The following RBMS1 variants were observed in gnomAD, a reference collection of about 807,000 sequenced individuals.
RBMS1 encodes the protein RNA binding motif single stranded interacting protein 1, also known as RNA-binding motif, single-stranded-interacting protein 1.
A neutral mutation model predicts 62.3 loss-of-function variants in RBMS1; 17 were observed. The observed-to-expected ratio is 0.27, with a 90% confidence interval of 0.19 to 0.41. The LOEUF is 0.41. Among genes scored for constraint, RBMS1 ranks in the 10% least tolerant of loss-of-function variants. The pLI is 1.00. For missense variants in RBMS1, 334 were observed against 504.5 expected (o/e 0.66, Z 3.24); for synonymous variants, 172 against 170.0 (o/e 1.01, Z -0.09).
At chr2:160,379,056 C>A (rs953904973) in intron 1 of RBMS1, among the ~76,000 whole-genome samples, 7 of 151,986 alleles carry the variant, frequency 4.6e-5, no homozygotes, top group Non-Finnish European at 7.4e-5. Context: ...CCTATCTCTA[C>A]AAAAACACAA....
intron 2 of RBMS1, among the ~76,000 whole-genome samples, chr2:160,349,689 C>A (rs549329901): frequency 6.6e-6 from 1 of 152,028 alleles, no homozygotes; most frequent in Non-Finnish European, 1.5e-5. Flanking sequence ...CATACCCAGC[C>A]TTCCTTTGTG....
intron 5 of RBMS1, among the ~76,000 whole-genome samples, chr2:160,301,013 T>C (rs768375482): frequency 1.3e-5 from 2 of 152,230 alleles, no homozygotes; most frequent in Non-Finnish European, 2.9e-5. Context: ...ATTGTAATTG[T>C]TGTAAAATTG....
chr2:160,407,567 C>T (rs1242980011), intron 1 of RBMS1: 8 of 983,822 alleles, frequency 8.1e-6, no homozygotes, highest in Non-Finnish European at 8.4e-6. Context: ...CGGGCGCGGG[C>T]GCGGGCGCGG....
intron 1 of RBMS1, among the ~76,000 whole-genome samples, chr2:160,459,462 C>A (rs1478074325): frequency 6.6e-6 from 1 of 152,050 alleles, no homozygotes; most frequent in Non-Finnish European, 1.5e-5. Flanking sequence ...TAATTCTTAA[C>A]AGCATATTTC....
chr2:160,390,203 C>T (rs777324447), intron 1 of RBMS1, among the ~76,000 whole-genome samples: 1 of 152,110 alleles, frequency 6.6e-6, no homozygotes, highest in Non-Finnish European at 1.5e-5. Flanking sequence ...AAACCCATCA[C>T]ATCAGAATTG....
At chr2:160,318,026 C>T in intron 3 of RBMS1, 143 bp downstream of exon 3, 1 of 1,237,780 alleles carries the variant, frequency 8.1e-7, no homozygotes, top group Non-Finnish European at 1.1e-6. Context: ...AATATGCTGA[C>T]ACTGTGCAAG....
At chr2:160,418,684 A>G (rs983640364) in intron 1 of RBMS1, among the ~76,000 whole-genome samples, 2 of 152,186 alleles carry the variant, frequency 1.3e-5, no homozygotes, top group Non-Finnish European at 2.9e-5. Flanking sequence ...AACCAACATG[A>G]AAAACTGAAA....
intron 2 of RBMS1, among the ~76,000 whole-genome samples, chr2:160,325,664 C>T (rs1363324899): frequency 6.6e-6 from 1 of 152,128 alleles, no homozygotes; most frequent in African/African-American, 2.4e-5. Flanking sequence ...ACAAAGTATA[C>T]ATTACGTCTG....
intron 1 of RBMS1, among the ~76,000 whole-genome samples, chr2:160,386,964 T>C (rs1270275603): frequency 1.3e-5 from 2 of 152,230 alleles, no homozygotes; most frequent in East Asian, 1.9e-4. Flanking sequence ...TGCCGCTTTC[T>C]GGAAGCTACT....
intron 1 of RBMS1, among the ~76,000 whole-genome samples, chr2:160,424,483 G>A (rs1312942403): frequency 6.6e-6 from 1 of 152,042 alleles, no homozygotes; most frequent in Non-Finnish European, 1.5e-5. Flanking sequence ...TTTCTCTCAT[G>A]AGTGAAAATA....
chr2:160,373,276 T>G (rs1693828894), intron 1 of RBMS1, among the ~76,000 whole-genome samples: 1 of 152,240 alleles, frequency 6.6e-6, no homozygotes, highest in South Asian at 2.1e-4. Context: ...CATGTAAAAC[T>G]GCAATCTCCA....
chr2:160,480,451 C>T (rs541802534), intron 1 of RBMS1, among the ~76,000 whole-genome samples: 2 of 152,244 alleles, frequency 1.3e-5, no homozygotes, highest in East Asian at 1.9e-4. Context: ...AGAACCTATG[C>T]CAACTACCAT....
intron 3 of RBMS1, 146 bp downstream of exon 3, chr2:160,318,023 T>C (rs780653448): frequency 4.2e-5 from 51 of 1,227,168 alleles, no homozygotes; most frequent in Non-Finnish European, 5.5e-5. Flanking sequence ...AGTAATATGC[T>C]GACACTGTGC....
At chr2:160,474,007 T>C (rs1265009866) in intron 1 of RBMS1, among the ~76,000 whole-genome samples, 1 of 152,200 alleles carries the variant, frequency 6.6e-6, no homozygotes, top group Non-Finnish European at 1.5e-5. Flanking sequence ...TATATTTTCA[T>C]AAAACATTAT....
intron 1 of RBMS1, among the ~76,000 whole-genome samples, chr2:160,412,786 A>G (rs1349214119): frequency 6.6e-6 from 1 of 152,254 alleles, no homozygotes; most frequent in Non-Finnish European, 1.5e-5. Context: ...TGTGCAGATG[A>G]TCAGAAAAAC....
intron 3 of RBMS1, among the ~76,000 whole-genome samples, chr2:160,317,226 G>A (rs1376909361): frequency 1.3e-5 from 2 of 152,164 alleles, no homozygotes; most frequent in Non-Finnish European, 2.9e-5. Context: ...TGGCTTATAA[G>A]GAGAGGCCCC....
intron 6 of RBMS1, among the ~76,000 whole-genome samples, chr2:160,293,922 A>T (rs993307502): frequency 2.0e-5 from 3 of 152,198 alleles, no homozygotes; most frequent in Non-Finnish European, 4.4e-5. Flanking sequence ...AAAACTTCCC[A>T]TCTCTGTTTC....
chr2:160,418,413 G>A (rs1696289030), intron 1 of RBMS1, among the ~76,000 whole-genome samples: 1 of 151,996 alleles, frequency 6.6e-6, no homozygotes, highest in African/African-American at 2.4e-5. Flanking sequence ...CATAGATCAG[G>A]TAAATCAGAT....
chr2:160,469,964 C>A (rs777442084), intron 1 of RBMS1, among the ~76,000 whole-genome samples: 1 of 152,140 alleles, frequency 6.6e-6, no homozygotes. Context: ...ACATCTGAAG[C>A]CTTATGCTGG....
Sources: gnomAD v4.1 joint callset for allele counts (sites outside exome capture counted in the v4.1 genomes callset) on GRCh38, gnomAD v4.1.1 for gene constraint, MANE v1.5 for transcripts, NCBI Gene and HGNC (gene_info 2026-07-23, HGNC 2026-07-21) for gene names.